BFSP1: variants seen among roughly 807,000 people sequenced by gnomAD.
BFSP1 encodes filensin.
A neutral mutation model predicts 43.9 loss-of-function variants in BFSP1; 38 were observed. That is an observed-to-expected ratio of 0.87 (90% confidence interval 0.67 to 1.14). The LOEUF is 1.14. BFSP1 is among the 50% of genes most tolerant of loss of function. The probability of loss-of-function intolerance (pLI) is 0.00; values close to 1 mark genes in which losing one functional copy is unlikely to be tolerated. For synonymous variants in BFSP1, 352 were observed against 354.8 expected (o/e 0.99, Z 0.09); for missense variants, 850 against 875.1 (o/e 0.97, Z 0.36).
chr20:17,530,983 G>C lies in BFSP1; in HGVS notation c.347C>G (p.Ala116Gly). ...RARLERQGTE[A>G]QRALDEFRSK... Reference sequence around the variant, plus strand: ...TCGGAACTCGTCGAGCGCGCGCTGCGCCTCGGTGCCCTGGCGCTCCAGCCG... The same window carrying C: ...TCGGAACTCGTCGAGCGCGCGCTGCCCCTCGGTGCCCTGGCGCTCCAGCCG... The change falls in exon 1 of 8, where the codon GCG (alanine) becomes GGG (glycine). Residue 116 changes from alanine to glycine, a missense_variant. Coordinates refer to ENST00000377873, the MANE Select transcript of BFSP1 (RefSeq NM_001195.5). 1 of 1,437,896 alleles carries C rather than the reference G, an allele frequency of 7.0e-7. No homozygotes were observed. The highest frequency in any genetic ancestry group is 3.0e-5 in the East Asian group (1 of 32,788). 89.1% of individuals were successfully genotyped at this position (1,437,896 alleles called of 1,614,324 possible). A position where few individuals can be genotyped will look rare whatever the true frequency, so the allele number is the denominator to read the frequency against.
intron 1 of BFSP1, among the ~76,000 whole-genome samples, chr20:17,527,227 G>A (rs1237683988): frequency 6.6e-6 from 1 of 152,202 alleles, no homozygotes; most frequent in Non-Finnish European, 1.5e-5. Flanking sequence ...TATTTTGTGT[G>A]TTGCAATAAC....
intron 1 of BFSP1, among the ~76,000 whole-genome samples, chr20:17,546,804 T>C (rs754053549): frequency 7.3e-5 from 11 of 151,492 alleles, no homozygotes; most frequent in Non-Finnish European, 1.5e-4. Flanking sequence ...GGTAGGTGGA[T>C]CTCGAGGTCA....
At chr20:17,536,580 A>T (rs2034632200) in intron 1 of BFSP1, among the ~76,000 whole-genome samples, 2 of 152,242 alleles carry the variant, frequency 1.3e-5, no homozygotes, top group South Asian at 4.1e-4. Flanking sequence ...CAGTTTCAAA[A>T]TTTTTTAATT....
chr20:17,543,444 A>G (rs1031784885), intron 1 of BFSP1, among the ~76,000 whole-genome samples: 1 of 152,228 alleles, frequency 6.6e-6, no homozygotes, highest in African/African-American at 2.4e-5. Flanking sequence ...TTATCACACA[A>G]TGAATTTTAA....
intron 1 of BFSP1, among the ~76,000 whole-genome samples, chr20:17,549,613 A>C (rs1328749624): frequency 6.6e-6 from 1 of 152,124 alleles, no homozygotes; most frequent in Non-Finnish European, 1.5e-5. Flanking sequence ...AGGAGGGTGA[A>C]TCACTTGAGG....
At chr20:17,505,427 C>G (rs1568685761) in intron 5 of BFSP1, among the ~76,000 whole-genome samples, 1 of 152,210 alleles carries the variant, frequency 6.6e-6, no homozygotes, top group African/African-American at 2.4e-5. Context: ...CCTGACGACC[C>G]CTGCTGTGGA....
chr20:17,549,683 A>G (rs1196795883), intron 1 of BFSP1, among the ~76,000 whole-genome samples: 1 of 152,062 alleles, frequency 6.6e-6, no homozygotes, highest in Non-Finnish European at 1.5e-5. Flanking sequence ...TAAAAATACA[A>G]AAACTAGCCT....
At chr20:17,559,717 T>A (rs549265255), upstream of BFSP1, among the ~76,000 whole-genome samples, 1 of 152,288 alleles carries the variant, frequency 6.6e-6, no homozygotes, top group African/African-American at 2.4e-5. Flanking sequence ...GGACTGTGCA[T>A]GCAATGAATC....
At chr20:17,501,146 A>G (rs1369151389) in intron 5 of BFSP1, among the ~76,000 whole-genome samples, 2 of 152,276 alleles carry the variant, frequency 1.3e-5, no homozygotes, top group Non-Finnish European at 2.9e-5. Context: ...TCCTACATCC[A>G]GACCTAAATG....
chr20:17,514,713 A>T lies in BFSP1; in HGVS notation c.534+8T>A. 1 of 1,613,528 alleles carries T rather than the reference A, an allele frequency of 6.2e-7. No homozygotes were observed. The highest frequency in any genetic ancestry group is 1.1e-5 in the South Asian group (1 of 91,052). ...TCTAGAGGAAGGGCTTCAAGGGGTC[A>T]TGATTACCTTCTTGTGCCTGTCCTT... On this transcript the variant is annotated splice_region_variant and intron_variant, in intron 3 of 7. Transcript: ENST00000377873.
In BFSP1 at chr20:17,494,154, CAT is replaced by C. The variant is rs1267354993; in HGVS notation, c.1916_1917del (p.Tyr639Ter). 1 of 1,614,068 alleles carries C rather than the reference CAT, an allele frequency of 6.2e-7. No homozygotes were observed. The highest frequency in any genetic ancestry group is 8.5e-7 in the Non-Finnish European group (1 of 1,180,050). On this transcript the variant is annotated frameshift_variant, in exon 8 of 8. Transcript: ENST00000377873. LOFTEE classifies it high-confidence loss of function. ...EKISTESIQT[Y>X]EETAVIVETM... is the part of the protein sequence containing the mutation. ...GTCTCCACGATCACAGCGGTTTCTT[CAT>C]ATGTCTGAATGCTCTCCGTGGAAAT... is the stretch of plus-strand genomic sequence containing the variant.
At chr20:17,500,278 T>C (rs1390495834) in intron 5 of BFSP1, among the ~76,000 whole-genome samples, 1 of 152,230 alleles carries the variant, frequency 6.6e-6, no homozygotes, top group Admixed American at 6.5e-5. Flanking sequence ...GAGATAGTTT[T>C]ATATTCAGTG....
At chr20:17,558,753 T>C in exon 1 of BFSP1, 1 of 1,548,738 alleles carries the variant, frequency 6.5e-7, no homozygotes, top group Non-Finnish European at 8.7e-7. Context: ...ACATCCAAGG[T>C]GTGCTGCCTG....
At chr20:17,517,385 C>T (rs752651749) in intron 2 of BFSP1, 64 of 825,588 alleles carry the variant, frequency 7.8e-5, no homozygotes, top group South Asian at 1.6e-4. Flanking sequence ...TTTCCTTTTG[C>T]GTTTCCTCCT....
chr20:17,504,238 T>G (rs1027109779), intron 5 of BFSP1, among the ~76,000 whole-genome samples: 13 of 152,300 alleles, frequency 8.5e-5, no homozygotes, highest in African/African-American at 3.1e-4. Context: ...TCTACGGGAT[T>G]CTGCTGAGTC....
At position 17,494,124 on chromosome 20, in the gene BFSP1, T is replaced by C. The variant is rs766254429; in HGVS notation, c.1948A>G (p.Ile650Val). ...EETAVIVETMIGKTKSDKKKS... is the reference protein window; with the variant it reads ...EETAVIVETMVGKTKSDKKKS... ...TTCTTGTCTGACTTTGTCTTTCCAA[T>C]CATGGTCTCCACGATCACAGCGGTT... Residue 650 changes from isoleucine to valine, a missense_variant, in exon 8 of 8, where the codon ATT becomes GTT. Ile to Val is a conservative substitution (Grantham distance 29). Transcript: ENST00000377873. 1 of 1,614,136 alleles carries C rather than the reference T, an allele frequency of 6.2e-7. No homozygotes were observed. The highest frequency in any genetic ancestry group is 8.5e-7 in the Non-Finnish European group (1 of 1,180,008).
intron 1 of BFSP1, 40 bp from the exon 2 acceptor site, chr20:17,524,948 A>G (rs1039899470): frequency 7.3e-6 from 11 of 1,516,250 alleles, no homozygotes; most frequent in Non-Finnish European, 1.0e-5. Context: ...GGTAACTACC[A>G]TGCTTTCACA....
rs2034523740 is a variant in BFSP1 at position 17,531,045 on chromosome 20, G to A, written c.285C>T (p.Asn95=). The A allele has an allele frequency of 4.9e-6, 7 of 1,420,468 alleles. No individual in the cohort carries two copies. The highest frequency in any genetic ancestry group is 5.5e-6 in the Non-Finnish European group (6 of 1,090,578). The allele number at this position is 1,420,468 out of a possible 1,614,324, so 88.0% of individuals were successfully genotyped here. A position where few individuals can be genotyped will look rare whatever the true frequency, so the allele number is the denominator to read the frequency against. The part of the protein sequence containing the change: ...EDALARQVES[N]RQRVRDLEAE... ...CCTCCAGGTCCCGGACGCGCTGGCG[G>A]TTGCTCTCGACTTGGCGGGCGAGGG... is the stretch of plus-strand genomic sequence containing the variant. The change falls in exon 1 of 8, where the codon AAC becomes AAT. Residue 95 remains asparagine (N), a synonymous_variant. Coordinates refer to ENST00000377873, the MANE Select transcript of BFSP1 (RefSeq NM_001195.5).
At chr20:17,531,387 G>T, upstream of BFSP1, 2 of 1,287,914 alleles carry the variant, frequency 1.6e-6, no homozygotes, top group Non-Finnish European at 2.0e-6. Flanking sequence ...GAGGCCCCCG[G>T]CGCAGCCCGC....
Sources: allele counts gnomAD v4.1 joint callset (sites outside exome capture counted in the v4.1 genomes callset), GRCh38; gene constraint gnomAD v4.1.1; transcripts MANE v1.5; gene names NCBI Gene and HGNC (gene_info 2026-07-23, HGNC 2026-07-21).